MELK: variants seen among roughly 807,000 people sequenced by gnomAD.
MELK encodes pEg3 kinase.
Under a neutral mutation model 85.0 loss-of-function variants are expected in MELK, and 81 were observed. The observed-to-expected ratio is 0.95, with a 90% confidence interval of 0.80 to 1.15. The LOEUF (loss-of-function observed/expected upper bound fraction) is 1.15. Ranked by LOEUF, MELK falls within the 50% of genes most tolerant of loss-of-function variation. The pLI is 0.00. For missense variants in MELK, 754 were observed against 777.5 expected (o/e 0.97, Z 0.36); for synonymous variants, 252 against 265.0 (o/e 0.95, Z 0.48).
At chr9:36,630,547 C>T (rs796824878) in intron 9 of MELK, among the ~76,000 whole-genome samples, 180 bp downstream of exon 9, 6 of 152,136 alleles carry the variant, frequency 3.9e-5, no homozygotes, top group African/African-American at 1.4e-4. Context: ...ATTTTAGACA[C>T]CTACCATATG....
intron 12 of MELK, among the ~76,000 whole-genome samples, 165 bp downstream of exon 12, chr9:36,652,042 A>ATTT (rs11465173): frequency 0.67 from 61,265 of 91,294 alleles, 22,503 homozygotes; most frequent in East Asian, 0.84. Flanking sequence ...TTGAACTCTA[A>ATTT]TTTTTTTTTT....
At chr9:36,661,884 C>T (rs1456328019) in intron 13 of MELK, among the ~76,000 whole-genome samples, 2 of 150,780 alleles carry the variant, frequency 1.3e-5, no homozygotes, top group East Asian at 3.9e-4. Context: ...TTGCAGTGAG[C>T]CGAGATTGCA....
At chr9:36,638,296 T>C (rs1829406210) in intron 10 of MELK, among the ~76,000 whole-genome samples, 1 of 152,082 alleles carries the variant, frequency 6.6e-6, no homozygotes, top group Admixed American at 6.6e-5. Flanking sequence ...TTTTTGTTTG[T>C]TTTTTTGAAA....
chr9:36,589,306 G>A (rs949626902), intron 3 of MELK, among the ~76,000 whole-genome samples: 5 of 151,958 alleles, frequency 3.3e-5, no homozygotes, highest in African/African-American at 4.8e-5. Flanking sequence ...CTGCCACCAC[G>A]CCCGGCTAAT....
intron 12 of MELK, among the ~76,000 whole-genome samples, chr9:36,655,971 A>G (rs2137425755): frequency 6.6e-6 from 1 of 152,314 alleles, no homozygotes; most frequent in East Asian, 1.9e-4. Context: ...TAAGAAATTC[A>G]AGTAAAATTG....
At chr9:36,601,747 G>A (rs1019765725) in intron 7 of MELK, among the ~76,000 whole-genome samples, 38 of 152,058 alleles carry the variant, frequency 2.5e-4, no homozygotes, top group Non-Finnish European at 4.9e-4. Flanking sequence ...CTATTCCCCT[G>A]GCAACTACCC....
At chr9:36,621,317 A>AAAAAC (rs1827423662) in intron 8 of MELK, among the ~76,000 whole-genome samples, 1 of 134,066 alleles carries the variant, frequency 7.5e-6, no homozygotes, top group Non-Finnish European at 1.6e-5. Context: ...AAAAAAAAAA[A>AAAAAC]CTTGAGTAGA....
intron 8 of MELK, among the ~76,000 whole-genome samples, chr9:36,626,971 A>C (rs1192113898): frequency 6.6e-6 from 1 of 151,322 alleles, no homozygotes; most frequent in Non-Finnish European, 1.5e-5. Flanking sequence ...GAAGAAAAAA[A>C]AAAAAAAAAA....
Position 36,586,745 on chromosome 9 carries a change from A to G in MELK, c.145-2791A>G, listed in dbSNP as rs375367079. ...TGCTCAAAACTTATTCTAAAGCGTA[A>G]TATGACATTAATTCATGATTTCTAA... On this transcript the variant is annotated intron_variant, in intron 3 of 17. Transcript: ENST00000298048. Among the ~76,000 whole-genome samples the G allele has an allele frequency of 2.8e-4, 42 of 152,340 alleles. 1 individual carries two copies. The South Asian group carries it at 7.2e-3, about 26-fold the overall frequency.
intron 8 of MELK, among the ~76,000 whole-genome samples, chr9:36,626,172 T>A (rs1827909148): frequency 6.6e-6 from 1 of 152,152 alleles, no homozygotes; most frequent in South Asian, 2.1e-4. Context: ...AAGGCTGGAA[T>A]GTAACAAAGA....
At chr9:36,581,857 C>A in intron 2 of MELK, 118 bp downstream of exon 2, 1 of 702,182 alleles carries the variant, frequency 1.4e-6, no homozygotes, top group Non-Finnish European at 2.3e-6. Context: ...CTTCTACCTA[C>A]TTCAGTAAGA....
chr9:36,574,586 G>A (rs1821450054), intron 1 of MELK, among the ~76,000 whole-genome samples: 1 of 152,032 alleles, frequency 6.6e-6, no homozygotes, highest in African/African-American at 2.4e-5. Flanking sequence ...CTAGGTGACA[G>A]AACGAGACCC....
At chr9:36,607,807 T>C (rs561735016) in intron 8 of MELK, 134 bp downstream of exon 8, 5 of 689,076 alleles carry the variant, frequency 7.3e-6, no homozygotes, top group Non-Finnish European at 1.2e-5. Flanking sequence ...TTAGTTATTC[T>C]TTGGGAGTGG....
chr9:36,580,896 T>C (rs1822169068), intron 1 of MELK, among the ~76,000 whole-genome samples: 2 of 151,808 alleles, frequency 1.3e-5, no homozygotes, highest in African/African-American at 4.8e-5. Flanking sequence ...GCTTGGCTAA[T>C]GTTTTGTATC....
At chr9:36,666,448 C>T (rs1054708759) in intron 14 of MELK, among the ~76,000 whole-genome samples, 1 of 152,034 alleles carries the variant, frequency 6.6e-6, no homozygotes, top group Non-Finnish European at 1.5e-5. Flanking sequence ...ATAATAGGGG[C>T]CATATTTATG....
At chr9:36,586,236 G>A in intron 3 of MELK, among the ~76,000 whole-genome samples, 1 of 151,966 alleles carries the variant, frequency 6.6e-6, no homozygotes, top group East Asian at 1.9e-4. Flanking sequence ...CCAGCTACTT[G>A]CGGGGCTGAG....
chr9:36,649,343 C>T (rs986459093), intron 11 of MELK, among the ~76,000 whole-genome samples: 6 of 151,858 alleles, frequency 4.0e-5, no homozygotes, highest in African/African-American at 7.3e-5. Context: ...AAAAAATAGC[C>T]GGGTGTGGTG....
chr9:36,651,937 C>A, intron 12 of MELK, 60 bp downstream of exon 12: 2 of 1,426,696 alleles, frequency 1.4e-6, no homozygotes, highest in South Asian at 1.8e-5. Flanking sequence ...AGTGTGTATA[C>A]CACTGGGAAG....
intron 8 of MELK, among the ~76,000 whole-genome samples, chr9:36,616,405 T>A (rs1488938501): frequency 3.3e-5 from 5 of 151,328 alleles, no homozygotes; most frequent in African/African-American, 1.2e-4. Context: ...TTTTTTTTTT[T>A]TTAAGGCAGA....
Sources: gnomAD v4.1 joint callset for allele counts (sites outside exome capture counted in the v4.1 genomes callset) on GRCh38, gnomAD v4.1.1 for gene constraint, MANE v1.5 for transcripts, NCBI Gene and HGNC (gene_info 2026-07-23, HGNC 2026-07-21) for gene names.